The following SORCS1 variants were observed in gnomAD, a reference collection of about 807,000 sequenced individuals.
SORCS1 encodes the protein sortilin related VPS10 domain containing receptor 1.
SORCS1 carries 60 observed loss-of-function variants against 146.1 expected under a neutral mutation model. The observed-to-expected ratio is 0.41, with a 90% CI of 0.33 to 0.51. SORCS1 has a LOEUF of 0.51. SORCS1 is among the 20% of genes least tolerant of loss of function. SORCS1 has a pLI of 0.21. For missense variants in SORCS1, 1,352 were observed against 1,487.6 expected (o/e 0.91, Z 1.50); for synonymous variants, 637 against 584.0 (o/e 1.09, Z -1.31).
intron 23 of SORCS1, among the ~76,000 whole-genome samples, chr10:106,604,624 G>A (rs542127516): frequency 2.0e-5 from 3 of 152,160 alleles, no homozygotes; most frequent in Non-Finnish European, 2.9e-5. Context: ...TGCATAACTC[G>A]CATGAGCTCA....
intron 2 of SORCS1, among the ~76,000 whole-genome samples, chr10:106,953,740 A>G (rs569669046): frequency 6.6e-6 from 1 of 152,334 alleles, no homozygotes; most frequent in East Asian, 1.9e-4. Flanking sequence ...GGGCAATTGT[A>G]ACATCATGGT....
the SORCS1 span, among the ~76,000 whole-genome samples, chr10:107,178,984 G>A: frequency 6.6e-6 from 1 of 152,110 alleles, no homozygotes; most frequent in South Asian, 2.1e-4. Context: ...AGACTCAGTA[G>A]TGGGATCTCT....
At chr10:107,082,959 A>G (rs919883502) in intron 1 of SORCS1, among the ~76,000 whole-genome samples, 1 of 151,920 alleles carries the variant, frequency 6.6e-6, no homozygotes, top group East Asian at 1.9e-4. Flanking sequence ...ACAAAAAAAA[A>G]TTAGCCAGGC....
intron 3 of SORCS1, among the ~76,000 whole-genome samples, chr10:106,822,781 G>GTTTTT (rs1564699805): frequency 1.7e-5 from 2 of 118,084 alleles, no homozygotes; most frequent in East Asian, 5.2e-4. Context: ...ATTCATGTGT[G>GTTTTT]GTTTTTTTTT....
intron 5 of SORCS1, among the ~76,000 whole-genome samples, chr10:106,744,785 A>C (rs995554423): frequency 6.6e-6 from 1 of 152,074 alleles, no homozygotes; most frequent in Non-Finnish European, 1.5e-5. Flanking sequence ...GGTAAAACAG[A>C]GTGTGAGTGT....
chr10:107,123,790 C>T (rs1966538146), intron 1 of SORCS1, among the ~76,000 whole-genome samples: 1 of 151,742 alleles, frequency 6.6e-6, no homozygotes, highest in Non-Finnish European at 1.5e-5. Flanking sequence ...AAAATGGAGA[C>T]AAGGTTGCAA....
intron 2 of SORCS1, among the ~76,000 whole-genome samples, chr10:106,906,924 C>A (rs1000647359): frequency 6.6e-6 from 1 of 152,108 alleles, no homozygotes; most frequent in African/African-American, 2.4e-5. Flanking sequence ...GCTGTAATAT[C>A]AAAGAATCAG....
At chr10:106,774,251 A>G (rs550372261) in intron 4 of SORCS1, among the ~76,000 whole-genome samples, 1 of 152,280 alleles carries the variant, frequency 6.6e-6, no homozygotes, top group South Asian at 2.1e-4. Context: ...TTTTGACCTC[A>G]TATTACCACA....
At chr10:106,886,380 A>C (rs1951004406) in intron 2 of SORCS1, among the ~76,000 whole-genome samples, 1 of 152,156 alleles carries the variant, frequency 6.6e-6, no homozygotes, top group Admixed American at 6.5e-5. Context: ...ATGGTGGATT[A>C]TTTTCTACAT....
intron 5 of SORCS1, among the ~76,000 whole-genome samples, chr10:106,741,119 C>T (rs1159154928): frequency 1.3e-5 from 2 of 152,178 alleles, no homozygotes; most frequent in East Asian, 3.8e-4. Context: ...ATTAAGAAAG[C>T]CCAGGCTTCC....
intron 2 of SORCS1, among the ~76,000 whole-genome samples, chr10:106,852,884 G>A (rs906020412): frequency 1.3e-5 from 2 of 152,090 alleles, no homozygotes; most frequent in Admixed American, 6.6e-5. Flanking sequence ...TTGGATTGAG[G>A]GGTTTTGCAT....
chr10:106,949,075 C>A (rs1954530030), intron 2 of SORCS1, among the ~76,000 whole-genome samples: 1 of 152,118 alleles, frequency 6.6e-6, no homozygotes, highest in South Asian at 2.1e-4. Flanking sequence ...CAAAAAGCCA[C>A]AATCCAGAAC....
intron 3 of SORCS1, among the ~76,000 whole-genome samples, chr10:106,789,329 T>A (rs1408928824): frequency 6.6e-6 from 1 of 152,268 alleles, no homozygotes; most frequent in African/African-American, 2.4e-5. Flanking sequence ...TGCAAATTTC[T>A]ACAGGCAGCT....
At chr10:107,161,690 CA>C (rs11287858) in intron 1 of SORCS1, among the ~76,000 whole-genome samples, 29,966 of 144,770 alleles carry the variant, frequency 0.21, 3,048 homozygotes, top group African/African-American at 0.24. Context: ...ACAAAACGGC[CA>C]AAAAAAAAAA....
intron 1 of SORCS1, among the ~76,000 whole-genome samples, chr10:107,054,823 A>G (rs569926770): frequency 1.3e-5 from 2 of 152,290 alleles, no homozygotes; most frequent in South Asian, 4.1e-4. Context: ...ATTATTTACC[A>G]TCTCTTTGCT....
At chr10:107,032,431 G>A (rs1187527972) in intron 1 of SORCS1, among the ~76,000 whole-genome samples, 1 of 151,756 alleles carries the variant, frequency 6.6e-6, no homozygotes, top group African/African-American at 2.4e-5. Context: ...CCTTTCTTTC[G>A]CTCTTCAGTT....
rs547352056 is a variant in SORCS1, at chr10:106,945,818, G to GGTGCAA, written c.626+10689_626+10694dup. Among the ~76,000 whole-genome samples the GGTGCAA allele has an allele frequency of 5.3e-5, 8 of 152,308 alleles. No individual in the cohort carries two copies. The East Asian group carries it at 1.5e-3, about 29-fold the overall frequency. ...CACTGAGGCAAACAAGGAGAGCAGG[G>GGTGCAA]GTGCAAGCTGAGGCCAGACTCTCAC... On this transcript the variant is annotated intron_variant, in intron 2 of 25. Transcript: ENST00000263054.
chr10:107,164,093 C>A lies in SORCS1; in HGVS notation c.434G>T (p.Arg145Leu). ...GGQQEPGTRE[R>L]DPDKATRFRM... ...GAAGCGGGTGGCTTTGTCCGGGTCC[C>A]GCTCCCGAGTCCCAGGCTCCTGCTG... is the stretch of plus-strand genomic sequence containing the variant. Residue 145 changes from arginine (R) to leucine (L), a missense_variant, in exon 1 of 26, where the codon CGG becomes CTG. Arg to Leu is a moderately radical substitution (Grantham distance 102). Coordinates refer to ENST00000263054, the MANE Select transcript of SORCS1 (RefSeq NM_052918.5). The surrounding 1 kb of genome is among the most constrained non-coding windows in gnomAD (Gnocchi z 6.8). 1.2e-6 allele frequency: 2 copies of A among 1,613,748 alleles called. No individual in the cohort carries two copies. The highest frequency in any genetic ancestry group is 1.3e-5 in the African/African-American group (1 of 75,026).
intron 6 of SORCS1, among the ~76,000 whole-genome samples, chr10:106,721,122 C>T (rs986813175): frequency 2.6e-5 from 4 of 151,578 alleles, no homozygotes; most frequent in Non-Finnish European, 4.4e-5. Flanking sequence ...CTAGCTAAAC[C>T]TTGATGCTTT....
Sources: gnomAD v4.1 joint callset for allele counts (sites outside exome capture counted in the v4.1 genomes callset) on GRCh38, gnomAD v4.1.1 for gene constraint, Gnocchi (gnomAD v3.1) non-coding constraint, MANE v1.5 for transcripts, NCBI Gene and HGNC (gene_info 2026-07-23, HGNC 2026-07-21) for gene names.